ATP2B3: variants seen among roughly 807,000 people sequenced by gnomAD.
ATP2B3 encodes ATPase plasma membrane Ca2+ transporting 3, also known as plasma membrane calcium-transporting ATPase 3.
ATP2B3 carries 12 observed loss-of-function variants against 70.8 expected under a neutral mutation model. That is an observed-to-expected ratio of 0.17 (90% CI 0.11 to 0.27). The LOEUF (loss-of-function observed/expected upper bound fraction) is 0.27. Ranked by LOEUF, ATP2B3 falls within the 10% of genes least tolerant of loss-of-function variation. The pLI is 1.00. For synonymous variants in ATP2B3, 460 were observed against 497.8 expected (o/e 0.92, Z 1.01); for missense variants, 858 against 1,118.5 (o/e 0.77, Z 3.32).
chrX:153,571,105 C>T (rs1356768716), intron 21 of ATP2B3, among the ~76,000 whole-genome samples: 1 of 111,771 alleles, frequency 8.9e-6, no homozygotes, highest in Non-Finnish European at 1.9e-5. Flanking sequence ...GGGCCACCTA[C>T]CCTTGTCACA....
chrX:153,554,471 T>TGA (rs1338084480), intron 13 of ATP2B3, among the ~76,000 whole-genome samples: 3 of 112,445 alleles, frequency 2.7e-5, no homozygotes, highest in Admixed American at 9.3e-5. Flanking sequence ...TAAGAGTGGC[T>TGA]GAGAGAGAGT....
chrX:153,551,554 A>T (rs1200298016), intron 12 of ATP2B3, among the ~76,000 whole-genome samples: 4 of 111,834 alleles, frequency 3.6e-5, no homozygotes, highest in Non-Finnish European at 7.5e-5. Context: ...AGGTGCACAA[A>T]TGTTTTAAAT....
At chrX:153,576,063 T>A in intron 21 of ATP2B3, among the ~76,000 whole-genome samples, 1 of 111,817 alleles carries the variant, frequency 8.9e-6, no homozygotes. Flanking sequence ...CCTTTCTTTT[T>A]AAATTGTCAC....
intron 2 of ATP2B3, among the ~76,000 whole-genome samples, chrX:153,530,064 T>C (rs1467486178): frequency 8.9e-6 from 1 of 112,561 alleles, no homozygotes; most frequent in Non-Finnish European, 1.9e-5. Flanking sequence ...TTTCAATTCT[T>C]TGGGGCCTAC....
chrX:153,581,176 C>T lies in ATP2B3; in HGVS notation c.*878C>T, dbSNP rs957649741. On this transcript the variant is annotated 3_prime_UTR_variant, in exon 22 of 22. Transcript: ENST00000263519. ...CATCACCCCGCCCCCACCTTTCGCT[C>T]CTGCCCTCTGCCCGGCCCTACTGAG... 9.2e-6 allele frequency: 1 copy of T among 109,227 alleles called. No individual in the cohort carries two copies. Among genetic ancestry groups the T allele is most frequent in the Non-Finnish European group, 1.9e-5 (1 of 52,447 alleles). 9.0% of individuals were successfully genotyped at this position (109,227 alleles called of 1,213,427 possible).
chrX:153,545,097 G>C (rs1014129910), intron 7 of ATP2B3, among the ~76,000 whole-genome samples: 4 of 112,828 alleles, frequency 3.5e-5, no homozygotes, highest in African/African-American at 1.3e-4. Context: ...AGGGTCGGGG[G>C]GGGGGCCCTC....
chrX:153,562,237 G>A lies in ATP2B3; in HGVS notation c.3154G>A (p.Gly1052Arg). Residue 1052 changes from glycine (G) to arginine (R), a missense_variant, in exon 20 of 22, where the codon GGA becomes AGA. Physicochemically the swap from Gly to Arg is moderately radical, Grantham distance 125. Transcript: ENST00000263519. ...TGTTGGTGTTGGGGAGCTGGTCTGG[G>A]GACAGGTGAGTGACAGCCCTGCCCC... ...LFVGVGELVW[G>R]QVIATIPTSQ... 8.3e-7 allele frequency: 1 copy of A among 1,207,138 alleles called. No individual in the cohort carries two copies. The highest frequency in any genetic ancestry group is 1.8e-5 in the South Asian group (1 of 56,642).
At chrX:153,572,366 G>A (rs1315787041) in intron 21 of ATP2B3, among the ~76,000 whole-genome samples, 1 of 112,791 alleles carries the variant, frequency 8.9e-6, no homozygotes, top group Non-Finnish European at 1.9e-5. Context: ...GGGCCTTTCT[G>A]GGCACTGGAG....
Position 153,518,486 on chromosome X carries a change from G to A in ATP2B3, c.-192G>A, listed in dbSNP as rs782468138. ...TGACCTTGGCCAGCCAGCTTTTCCT[G>A]TGGCCGCCTGCGTTTTCTCACGGGT... is the stretch of plus-strand genomic sequence containing the variant. On this transcript the variant is annotated 5_prime_UTR_variant, in exon 2 of 22. In the 5' UTR this introduces an upstream ATG that the reference lacks. Transcript: ENST00000263519. Among the ~76,000 whole-genome samples the A allele has an allele frequency of 2.3e-4, 26 of 112,999 alleles. 2 individuals are homozygous for A. The South Asian group carries it at 9.5e-3, about 41-fold the overall frequency.
intron 13 of ATP2B3, among the ~76,000 whole-genome samples, chrX:153,553,707 G>T (rs989663614): frequency 1.5e-4 from 17 of 112,852 alleles, no homozygotes; most frequent in Non-Finnish European, 2.6e-4. Flanking sequence ...TGGCGGGAAA[G>T]GGAGCCCAGA....
intron 8 of ATP2B3, among the ~76,000 whole-genome samples, chrX:153,547,219 T>A (rs782653305): frequency 8.7e-5 from 9 of 103,340 alleles, no homozygotes; most frequent in Non-Finnish European, 1.8e-4. Context: ...AGCAGAGGAG[T>A]GGGGAGAGGA....
rs2269412 is a variant in ATP2B3, at chrX:153,553,573, G to A, written c.2058+304G>A. ...TGATCCACCCAGGACCGATGGACTGGAGGTGGTGCTGAAGCCTGAGGGGAC... is the reference window on the plus strand; with the variant it reads ...TGATCCACCCAGGACCGATGGACTGAAGGTGGTGCTGAAGCCTGAGGGGAC... On this transcript the variant is annotated intron_variant, in intron 13 of 21. Transcript: ENST00000263519. Among the ~76,000 whole-genome samples the A allele has an allele frequency of 3.6e-5, 4 of 112,411 alleles. No homozygotes were observed. The East Asian group carries it at 1.1e-3, about 32-fold the overall frequency.
chrX:153,550,724 G>T (rs1195936537), intron 12 of ATP2B3, among the ~76,000 whole-genome samples: 5 of 110,716 alleles, frequency 4.5e-5, no homozygotes, highest in African/African-American at 1.6e-4. Flanking sequence ...AGTGTCCCCC[G>T]TAGCTGGGAT....
intron 13 of ATP2B3, among the ~76,000 whole-genome samples, chrX:153,553,777 C>T (rs1340632564): frequency 1.4e-4 from 16 of 113,205 alleles, no homozygotes; most frequent in Admixed American, 5.5e-4. Flanking sequence ...CCTCGAGGGC[C>T]GCGTGGCAGA....
chrX:153,551,566 G>A (rs2090457168), intron 12 of ATP2B3, among the ~76,000 whole-genome samples: 2 of 111,695 alleles, frequency 1.8e-5, no homozygotes, highest in Non-Finnish European at 1.9e-5. Context: ...GTTTTAAATC[G>A]TGATGACGTC....
In ATP2B3 at chrX:153,556,166, G is replaced by A. The variant is rs144123627; in HGVS notation, c.2176G>A (p.Glu726Lys). The change falls in exon 14 of 22, where the codon GAG becomes AAG. Residue 726 changes from glutamate (E) to lysine (K), a missense_variant. Physicochemically the swap from Glu to Lys is moderately conservative, Grantham distance 56. Transcript: ENST00000263519. ...CAAATGCGGCATCATCCAGCCCGGG[G>A]AGGACTTCCTGTGCCTAGAAGGGAA... ...AAKCGIIQPG[E>K]DFLCLEGKEF... 57 of 1,211,051 alleles carry A rather than the reference G, an allele frequency of 4.7e-5. No homozygotes were observed. The highest frequency in any genetic ancestry group is 6.3e-5 in the Non-Finnish European group (56 of 895,272).
At chrX:153,548,605 G>A (rs781862226) in intron 9 of ATP2B3, 35 bp from the exon 10 acceptor site, 1 of 1,162,720 alleles carries the variant, frequency 8.6e-7, no homozygotes, top group Admixed American at 2.2e-5. Flanking sequence ...CTCACCCGTG[G>A]CAACCCCTTT....
intron 3 of ATP2B3, 57 bp from the exon 4 acceptor site, chrX:153,541,302 C>A (rs1262925384): frequency 1.7e-6 from 2 of 1,193,573 alleles, no homozygotes; most frequent in African/African-American, 3.5e-5. Context: ...CTGGGACACA[C>A]AAGGCCGACC....
chrX:153,570,579 C>T (rs1557019567), intron 21 of ATP2B3, among the ~76,000 whole-genome samples: 1 of 112,428 alleles, frequency 8.9e-6, no homozygotes, highest in Non-Finnish European at 1.9e-5. Context: ...ACCCCACTAC[C>T]CTGATGGGAG....
Sources: allele counts gnomAD v4.1 joint callset (sites outside exome capture counted in the v4.1 genomes callset), GRCh38; gene constraint gnomAD v4.1.1; transcripts MANE v1.5; gene names NCBI Gene and HGNC (gene_info 2026-07-23, HGNC 2026-07-21).